The following PCDHA12 variants were observed in gnomAD, a reference collection of about 807,000 sequenced individuals.
PCDHA12 encodes protocadherin alpha-12.
A neutral mutation model predicts 60.0 loss-of-function variants in PCDHA12; 44 were observed. The observed-to-expected ratio is 0.73, with a 90% CI of 0.58 to 0.94. The LOEUF is 0.94. Among genes scored for constraint, PCDHA12 ranks in the 40% least tolerant of loss-of-function variants. The probability of loss-of-function intolerance (pLI) is 0.00; values close to 1 mark genes in which losing one functional copy is unlikely to be tolerated. For missense variants in PCDHA12, 1,276 were observed against 1,239.7 expected, an observed-to-expected ratio of 1.03 and a Z score of -0.44; for synonymous variants, 569 against 553.0, an observed-to-expected ratio of 1.03 and a Z score of -0.40.
intron 1 of PCDHA12, among the ~76,000 whole-genome samples, chr5:140,922,423 T>C (rs1554200812): frequency 6.6e-6 from 1 of 152,170 alleles, no homozygotes; most frequent in Non-Finnish European, 1.5e-5. Context: ...GTACAGAGGC[T>C]GAGGGCAGAA....
At chr5:140,882,545 G>C (rs1174281421) in intron 1 of PCDHA12, 1 of 1,614,120 alleles carries the variant, frequency 6.2e-7, no homozygotes, top group African/African-American at 1.3e-5. Flanking sequence ...GATCGACCGC[G>C]AGGAGCTGTG....
In PCDHA12 at chr5:141,010,195, C is replaced by G. The variant is rs753472247; in HGVS notation, c.*258C>G. 6.4e-7 allele frequency: 1 copy of G among 1,552,256 alleles called. No homozygotes were observed. The highest frequency in any genetic ancestry group is 8.7e-7 in the Non-Finnish European group (1 of 1,147,132). Reference sequence around the variant, plus strand: ...TAAAAAGCAGACCCAAGTTTCCTTTCTCCTCCGCCGCAAAGGAGAGGCTTC... The same window carrying G: ...TAAAAAGCAGACCCAAGTTTCCTTTGTCCTCCGCCGCAAAGGAGAGGCTTC... On this transcript the variant is annotated 3_prime_UTR_variant, in exon 4 of 4. Coordinates refer to ENST00000398631, the MANE Select transcript of PCDHA12 (RefSeq NM_018903.4).
At chr5:140,902,331 C>A (rs1271812504) in intron 1 of PCDHA12, among the ~76,000 whole-genome samples, 1 of 151,712 alleles carries the variant, frequency 6.6e-6, no homozygotes, top group African/African-American at 2.4e-5. Flanking sequence ...ACTCACTTCG[C>A]CTGGCCTAGG....
intron 1 of PCDHA12, 143 bp downstream of exon 1, chr5:140,877,982 T>C (rs1320294784): frequency 1.6e-6 from 2 of 1,221,162 alleles, no homozygotes; most frequent in African/African-American, 3.1e-5. Context: ...CTTACTCATT[T>C]TGAACTTTTA....
rs2096830713 is a variant in PCDHA12 at position 140,978,969 on chromosome 5, C to G, written c.2388C>G (p.Asp796Glu). 4 of 1,614,092 alleles carry G rather than the reference C, an allele frequency of 2.5e-6. No homozygotes were observed. The highest frequency in any genetic ancestry group is 1.6e-4 in the Middle Eastern group (1 of 6,084). ...TGCAGCCACGACAGCCCAACCCTGACTGGCGTTACTCTGCCTCCCTGAGAG... is the reference window on the plus strand; with the variant it reads ...TGCAGCCACGACAGCCCAACCCTGAGTGGCGTTACTCTGCCTCCCTGAGAG... ...PPSEPRQPNP[D>E]WRYSASLRAG... The change falls in exon 2 of 4, where the codon GAC becomes GAG. Residue 796 changes from aspartate (D) to glutamate (E), a missense_variant. Coordinates refer to ENST00000398631, the MANE Select transcript of PCDHA12 (RefSeq NM_018903.4).
intron 1 of PCDHA12, chr5:140,883,550 C>A: frequency 6.2e-7 from 1 of 1,614,188 alleles, no homozygotes; most frequent in Non-Finnish European, 8.5e-7. Flanking sequence ...GGTGACCGCG[C>A]GGGACGGGGG....
At chr5:140,980,716 G>T (rs1246125435) in intron 2 of PCDHA12, among the ~76,000 whole-genome samples, 1 of 151,830 alleles carries the variant, frequency 6.6e-6, no homozygotes, top group Non-Finnish European at 1.5e-5. Context: ...TCCTATTCGG[G>T]TTTCAATTAA....
Position 140,875,476 on chromosome 5 carries a change from G to T in PCDHA12, c.4G>T (p.Val2Leu). Residue 2 changes from valine to leucine, a missense_variant, in exon 1 of 4, where the codon GTG (valine) becomes TTG (leucine). Physicochemically the swap from Val to Leu is conservative, Grantham distance 32. Transcript: ENST00000398631. Reference protein sequence around the residue: MVIIGPRGPGSQ... With the variant: MLIIGPRGPGSQ... Reference sequence around the variant, plus strand: ...TCAGAGGCCCTCATTTTCTGCAATGGTGATTATCGGACCAAGAGGCCCGGG... The same window carrying T: ...TCAGAGGCCCTCATTTTCTGCAATGTTGATTATCGGACCAAGAGGCCCGGG... 6.2e-7 allele frequency: 1 copy of T among 1,610,156 alleles called. No individual in the cohort carries two copies. The highest frequency in any genetic ancestry group is 1.1e-5 in the South Asian group (1 of 90,776).
intron 1 of PCDHA12, among the ~76,000 whole-genome samples, chr5:140,938,013 A>G (rs1310661606): frequency 6.6e-6 from 1 of 152,220 alleles, no homozygotes; most frequent in Non-Finnish European, 1.5e-5. Flanking sequence ...TTCTTGCTAA[A>G]TAGTAAAATC....
rs782344407 is a variant in PCDHA12 at position 140,928,808 on chromosome 5, G to T, written c.2368-50141G>T. 3.7e-6 allele frequency: 6 copies of T among 1,614,062 alleles called. No homozygotes were observed. In the Admixed American group the frequency reaches 1.0e-4, roughly 27 times the overall value. The stretch of plus-strand genomic sequence containing the variant: ...AAGCAGAGGGTGGTGGTAGTGGTTC[G>T]GGACCATGGAGACCCACCACTTTCC... On this transcript the variant is annotated intron_variant, in intron 1 of 3. Coordinates refer to ENST00000398631, the MANE Select transcript of PCDHA12 (RefSeq NM_018903.4).
intron 1 of PCDHA12, among the ~76,000 whole-genome samples, chr5:140,955,446 A>G (rs574900327): frequency 6.6e-6 from 1 of 152,194 alleles, no homozygotes; most frequent in Non-Finnish European, 1.5e-5. Context: ...TGATGGTTTT[A>G]TAAGGGCTTT....
chr5:140,972,512 C>T (rs1586536091), intron 1 of PCDHA12, among the ~76,000 whole-genome samples: 1 of 152,018 alleles, frequency 6.6e-6, no homozygotes, highest in Non-Finnish European at 1.5e-5. Context: ...GATTTTACCC[C>T]CAGTGAGCTT....
intron 1 of PCDHA12, chr5:140,967,124 A>G (rs782387198): frequency 1.2e-6 from 2 of 1,612,200 alleles, no homozygotes; most frequent in South Asian, 2.2e-5. Context: ...CTGCCTGCTC[A>G]GCTTGGAAGT....
chr5:140,892,069 A>G (rs1554185062), intron 1 of PCDHA12, among the ~76,000 whole-genome samples: 3 of 152,208 alleles, frequency 2.0e-5, no homozygotes, highest in Non-Finnish European at 2.9e-5. Flanking sequence ...GTTACTTTGT[A>G]TAATTTCTAG....
chr5:140,946,648 C>A (rs1195536248), intron 1 of PCDHA12, among the ~76,000 whole-genome samples: 2 of 99,274 alleles, frequency 2.0e-5, no homozygotes, highest in African/African-American at 1.2e-4. Flanking sequence ...GAATACTCAT[C>A]AGCCATTAGA....
Position 140,908,881 on chromosome 5 carries a change from A to G in PCDHA12, c.2367+31042A>G, listed in dbSNP as rs77004912. Among the ~76,000 whole-genome samples, 1,225 of 152,366 alleles carry G rather than the reference A, an allele frequency of 8.0e-3. 6 individuals carry two copies. The highest frequency in any genetic ancestry group is 0.019 in the African/African-American group (790 of 41,588). Reference sequence around the variant, plus strand: ...AGGAATGTGTTGCCTCCAAAATCCAATAGTCCCAAATAAGCCTCTTTCGTG... The same window carrying G: ...AGGAATGTGTTGCCTCCAAAATCCAGTAGTCCCAAATAAGCCTCTTTCGTG... On this transcript the variant is annotated intron_variant, in intron 1 of 3. Transcript: ENST00000398631.
chr5:140,989,681 A>C (rs1428237884), intron 3 of PCDHA12, among the ~76,000 whole-genome samples: 1 of 152,250 alleles, frequency 6.6e-6, no homozygotes, highest in Non-Finnish European at 1.5e-5. Flanking sequence ...CAGATTTCAA[A>C]GGAACGTGAA....
chr5:140,934,337 A>G (rs1404340648), intron 1 of PCDHA12, among the ~76,000 whole-genome samples: 1 of 152,128 alleles, frequency 6.6e-6, no homozygotes, highest in African/African-American at 2.4e-5. Context: ...TGTAATAACC[A>G]CCAGTACAGT....
chr5:140,889,029 G>A (rs540289378), intron 1 of PCDHA12, among the ~76,000 whole-genome samples: 8 of 151,946 alleles, frequency 5.3e-5, no homozygotes, highest in African/African-American at 1.2e-4. Flanking sequence ...TTGGATAACC[G>A]TAATTTGATT....
Sources: gnomAD v4.1 joint callset for allele counts (sites outside exome capture counted in the v4.1 genomes callset) on GRCh38, gnomAD v4.1.1 for gene constraint, MANE v1.5 for transcripts, NCBI Gene and HGNC (gene_info 2026-07-23, HGNC 2026-07-21) for gene names.